LAMA3: variants seen among roughly 807,000 people sequenced by gnomAD.
The protein encoded by LAMA3 is laminin subunit alpha 3, also known as laminin subunit alpha-3.
In LAMA3, 281 loss-of-function variants were observed where a neutral mutation model predicts 402.0. The observed-to-expected ratio is 0.70, with a 90% CI of 0.63 to 0.77. The LOEUF is 0.77. Ranked by LOEUF, LAMA3 falls within the 30% of genes least tolerant of loss-of-function variation. The pLI is 0.00. For missense variants in LAMA3, 3,840 were observed against 4,215.5 expected, an observed-to-expected ratio of 0.91 and a Z score of 2.47; for synonymous variants, 1,431 against 1,558.4, an observed-to-expected ratio of 0.92 and a Z score of 1.93.
intron 63 of LAMA3, 137 bp from the exon 64 acceptor site, chr18:23,928,488 A>G: frequency 1.0e-6 from 1 of 958,920 alleles, no homozygotes; most frequent in Non-Finnish European, 1.7e-6. Context: ...TATTATGCAG[A>G]AAAGTAAGCT....
chr18:23,797,255 C>CT (rs1438383882), intron 12 of LAMA3, among the ~76,000 whole-genome samples: 2 of 151,766 alleles, frequency 1.3e-5, no homozygotes, highest in Admixed American at 6.6e-5. Flanking sequence ...TTGTAACTAC[C>CT]TTTTTTTCTG....
At chr18:23,846,608 C>A in intron 31 of LAMA3, 100 bp downstream of exon 31, 3 of 1,088,350 alleles carry the variant, frequency 2.8e-6, no homozygotes, top group East Asian at 2.6e-5. Flanking sequence ...TAGAGACTCA[C>A]CTGGAGATCT....
chr18:23,894,305 A>G lies in LAMA3; in HGVS notation c.5418A>G (p.Ile1806Met), dbSNP rs2080798655. ...GTTATTTTCTGATTTTAGACTGCAT[A>G]AACCAAGAACCCAAAGATAGCAGCC... ...GSCHPLTGDC[I>M]NQEPKDSSPA... Residue 1806 changes from isoleucine to methionine, a missense_variant, in exon 43 of 75, where the codon ATA becomes ATG. By Grantham distance (10) the Ile-to-Met change is conservative. Around this residue, in one of 3 missense-constraint regions of LAMA3, gnomAD observed 2,109 missense variants for 2,376.0 expected, o/e 0.89. Transcript: ENST00000313654. 6.2e-7 allele frequency: 1 copy of G among 1,612,562 alleles called. No homozygotes were observed. Among genetic ancestry groups the G allele is most frequent in the Non-Finnish European group, 8.5e-7 (1 of 1,178,556 alleles).
At chr18:23,859,358 C>T (rs2064160513) in intron 34 of LAMA3, among the ~76,000 whole-genome samples, 1 of 152,194 alleles carries the variant, frequency 6.6e-6, no homozygotes, top group Admixed American at 6.5e-5. Context: ...ACTTCTGACA[C>T]TCTCTACCTG....
chr18:23,799,161 T>G (rs2062823123), intron 12 of LAMA3, among the ~76,000 whole-genome samples: 1 of 152,216 alleles, frequency 6.6e-6, no homozygotes, highest in Admixed American at 6.5e-5. Context: ...CTAGGACCTT[T>G]GTGATCATTA....
intron 2 of LAMA3, among the ~76,000 whole-genome samples, chr18:23,726,449 C>T (rs1205618517): frequency 6.6e-6 from 1 of 152,110 alleles, no homozygotes; most frequent in East Asian, 1.9e-4. Context: ...GGCATTGCAC[C>T]CGCACTGCCA....
In LAMA3 at chr18:23,909,727, C is replaced by A. The variant is rs181593078; in HGVS notation, c.7158+432C>A. Among the ~76,000 whole-genome samples, 101 of 152,338 alleles carry A rather than the reference C, an allele frequency of 6.6e-4. No homozygotes were observed. In the Middle Eastern group the frequency reaches 0.01, roughly 15 times the overall value. The stretch of plus-strand genomic sequence containing the variant: ...ATTTAAGATGACAGCAGTTTTCCAT[C>A]ATTGGAGTACTGATTCACCAGCCTT... On this transcript the variant is annotated intron_variant, in intron 55 of 74. Coordinates refer to ENST00000313654, the MANE Select transcript of LAMA3 (RefSeq NM_198129.4).
rs775135907 is a variant in LAMA3, at chr18:23,894,323, T to C, written c.5436T>C (p.Asp1812=). The change falls in exon 43 of 75, where the codon GAT becomes GAC. Residue 1812 remains aspartate, a synonymous_variant. Coordinates refer to ENST00000313654, the MANE Select transcript of LAMA3 (RefSeq NM_198129.4). Reference sequence around the variant, plus strand: ...ACTGCATAAACCAAGAACCCAAAGATAGCAGCCCTGCAGAAGAATGTGATG... The same window carrying C: ...ACTGCATAAACCAAGAACCCAAAGACAGCAGCCCTGCAGAAGAATGTGATG... ...TGDCINQEPK[D]SSPAEECDDC... The C allele has an allele frequency of 3.4e-5, 55 of 1,613,502 alleles. No individual in the cohort carries two copies. Among genetic ancestry groups the C allele is most frequent in the Admixed American group, 2.7e-4 (16 of 60,000 alleles).
chr18:23,899,465 C>G lies in LAMA3; in HGVS notation c.6004+10C>G. Reference sequence around the variant, plus strand: ...AGGGAGTCGCAGCTCTGTAAGAATGCTCCCAAATTCTTGCATCCAGTCCAT... The same window carrying G: ...AGGGAGTCGCAGCTCTGTAAGAATGGTCCCAAATTCTTGCATCCAGTCCAT... On this transcript the variant is annotated intron_variant, in intron 47 of 74. Coordinates refer to ENST00000313654, the MANE Select transcript of LAMA3 (RefSeq NM_198129.4). 2 of 1,612,982 alleles carry G rather than the reference C, an allele frequency of 1.2e-6. No homozygotes were observed. Among genetic ancestry groups the G allele is most frequent in the Non-Finnish European group, 1.7e-6 (2 of 1,179,092 alleles).
intron 1 of LAMA3, chr18:23,709,882 A>T (rs2060957668): frequency 1.4e-6 from 1 of 735,492 alleles, no homozygotes; most frequent in Admixed American, 1.8e-5. Flanking sequence ...AGTTGAACAT[A>T]TGCCTTCTTC....
Position 23,751,085 on chromosome 18 carries a change from G to A in LAMA3, c.852G>A (p.Arg284=). ...CCCAGCGAGATCCAACTGTCACTCG[G>A]CGGGTGAGTAGTCAGAGCATTTGTT... ...SKAQRDPTVT[R]RYYYSIKDIS... is the part of the protein sequence containing the mutation. Residue 284 remains arginine (R), a synonymous_variant, in exon 5 of 75, where the codon CGG becomes CGA. Coordinates refer to ENST00000313654, the MANE Select transcript of LAMA3 (RefSeq NM_198129.4). 1 of 1,614,060 alleles carries A rather than the reference G, an allele frequency of 6.2e-7. No homozygotes were observed. The highest frequency in any genetic ancestry group is 1.7e-5 in the Admixed American group (1 of 60,010).
chr18:23,855,627 A>C (rs753010972), intron 32 of LAMA3, among the ~76,000 whole-genome samples: 1 of 152,156 alleles, frequency 6.6e-6, no homozygotes, highest in Non-Finnish European at 1.5e-5. Flanking sequence ...TGTATATGAG[A>C]ATGAGTCTTT....
chr18:23,913,580 A>G (rs1413664264), intron 56 of LAMA3, among the ~76,000 whole-genome samples: 1 of 152,232 alleles, frequency 6.6e-6, no homozygotes, highest in Non-Finnish European at 1.5e-5. Context: ...CAGTTGTTGG[A>G]AGAAAAATGC....
At chr18:23,690,028 C>T (rs2060550501) in intron 1 of LAMA3, 51 bp downstream of exon 1, 1 of 1,308,062 alleles carries the variant, frequency 7.6e-7, no homozygotes, top group Non-Finnish European at 1.0e-6. Context: ...CTTCCCGCGC[C>T]GGCCAGACAC....
chr18:23,871,614 G>A lies in LAMA3; in HGVS notation c.4951G>A (p.Val1651Met), dbSNP rs778297675. Residue 1651 changes from valine to methionine, a missense_variant, in exon 38 of 75, where the codon GTG (valine) becomes ATG (methionine). Physicochemically the swap from Val to Met is conservative, Grantham distance 21. Transcript: ENST00000313654. ...DTGSGRIALAVEICACPPAYA... is the reference protein window; with the variant it reads ...DTGSGRIALAMEICACPPAYA... ...AGGAAGTGGGCGCATAGCACTTGCT[G>A]TGGAAATCTGTGCCTGCCCCCCTGC... 6.2e-7 allele frequency: 1 copy of A among 1,613,518 alleles called. No individual in the cohort carries two copies. The highest frequency in any genetic ancestry group is 8.5e-7 in the Non-Finnish European group (1 of 1,179,734).
chr18:23,872,238 T>C (rs1251051091), intron 38 of LAMA3, among the ~76,000 whole-genome samples: 4 of 152,194 alleles, frequency 2.6e-5, no homozygotes, highest in African/African-American at 9.7e-5. Context: ...CCAGTAGAGT[T>C]GAATTCCAGA....
intron 2 of LAMA3, among the ~76,000 whole-genome samples, chr18:23,741,491 T>TA (rs200111879): frequency 1.1e-4 from 17 of 152,090 alleles, no homozygotes; most frequent in Admixed American, 7.2e-4. Flanking sequence ...TCTTCTCAAT[T>TA]AAAAAAACTC....
chr18:23,748,088 C>A, intron 3 of LAMA3, 28 bp downstream of exon 3: 2 of 1,195,996 alleles, frequency 1.7e-6, no homozygotes, highest in South Asian at 1.2e-5. Flanking sequence ...CCATGTTATG[C>A]ATGGCTTTAA....
rs145586243 is a variant in LAMA3 at position 23,854,304 on chromosome 18, C to T, written c.4137-3540C>T. Among the ~76,000 whole-genome samples, 716 of 152,358 alleles carry T rather than the reference C, an allele frequency of 4.7e-3. 3 individuals carry two copies. Among genetic ancestry groups the T allele is most frequent in the Middle Eastern group, 0.02 (6 of 294 alleles). ...TGGACAAGCAGCTTCCACAGCTGCC[C>T]TTGCTGCAGGTACTCTTGTTCCTTT... On this transcript the variant is annotated intron_variant, in intron 32 of 74. Coordinates refer to ENST00000313654, the MANE Select transcript of LAMA3 (RefSeq NM_198129.4).
Sources: gnomAD v4.1 joint callset for allele counts (sites outside exome capture counted in the v4.1 genomes callset) on GRCh38, gnomAD v4.1.1 for gene constraint, gnomAD v4.1.1 regional missense constraint, MANE v1.5 for transcripts, NCBI Gene and HGNC (gene_info 2026-07-23, HGNC 2026-07-21) for gene names.